PCSK5: variants seen among roughly 807,000 people sequenced by gnomAD.
The protein encoded by PCSK5 is prohormone convertase 5.
In PCSK5, 129 loss-of-function variants were observed where a neutral mutation model predicts 233.2. The observed-to-expected ratio is 0.55, with a 90% CI of 0.48 to 0.64. The LOEUF is 0.64. Among genes scored for constraint, PCSK5 ranks in the 30% least tolerant of loss-of-function variants. The pLI is 0.00. For missense variants in PCSK5, 2,076 were observed against 2,430.1 expected (o/e 0.85, Z 3.06); for synonymous variants, 825 against 879.2 (o/e 0.94, Z 1.09).
intron 20 of PCSK5, among the ~76,000 whole-genome samples, chr9:76,209,800 A>T (rs1181295628): frequency 6.6e-6 from 1 of 150,746 alleles, no homozygotes; most frequent in Admixed American, 6.6e-5. Context: ...ATAAATTATC[A>T]ATTTAAATAT....
At chr9:76,039,263 T>C (rs1828994739) in intron 5 of PCSK5, among the ~76,000 whole-genome samples, 1 of 152,216 alleles carries the variant, frequency 6.6e-6, no homozygotes, top group African/African-American at 2.4e-5. Flanking sequence ...ACAGGTTTAA[T>C]GCATCCCGGT....
At chr9:76,220,644 GAC>G (rs1825700347) in intron 20 of PCSK5, among the ~76,000 whole-genome samples, 1 of 140,840 alleles carries the variant, frequency 7.1e-6, no homozygotes, top group Admixed American at 7.0e-5. Flanking sequence ...AAAAAAAATT[GAC>G]ACATAAAAAT....
intron 1 of PCSK5, among the ~76,000 whole-genome samples, chr9:75,894,586 T>G (rs1825736039): frequency 6.6e-6 from 1 of 152,226 alleles, no homozygotes. Context: ...TTAACCATAA[T>G]CATTGTTAGT....
intron 30 of PCSK5, among the ~76,000 whole-genome samples, chr9:76,321,095 T>C (rs1208875680): frequency 1.4e-5 from 2 of 146,250 alleles, no homozygotes; most frequent in African/African-American, 5.2e-5. Context: ...ATTACAAGCG[T>C]GAGCCACCAC....
chr9:76,172,226 A>G (rs146249267), intron 13 of PCSK5, among the ~76,000 whole-genome samples: 2 of 152,268 alleles, frequency 1.3e-5, no homozygotes, highest in Admixed American at 6.5e-5. Flanking sequence ...GGCACATTGA[A>G]CCTATATACG....
intron 12 of PCSK5, among the ~76,000 whole-genome samples, chr9:76,166,167 C>T (rs1472129295): frequency 2.0e-5 from 3 of 152,074 alleles, no homozygotes; most frequent in Non-Finnish European, 4.4e-5. Flanking sequence ...TTTTCCCCAT[C>T]AACTCTTTCA....
chr9:76,138,588 G>A (rs945830265), intron 10 of PCSK5, among the ~76,000 whole-genome samples: 5 of 152,058 alleles, frequency 3.3e-5, no homozygotes, highest in African/African-American at 4.8e-5. Flanking sequence ...TGTGCAGGCT[G>A]ATTCTTGGCC....
In PCSK5 at chr9:76,169,777, G is replaced by C; in HGVS notation, c.1693G>C (p.Ala565Pro). Reference sequence around the variant, plus strand: ...CATTCATTGCTGGGGAGAAAGAGCTGCTGGTGACTGGGTCCTTGAAGTTTA... The same window carrying C: ...CATTCATTGCTGGGGAGAAAGAGCTCCTGGTGACTGGGTCCTTGAAGTTTA... The part of the protein sequence containing the change: ...MTIHCWGERA[A>P]GDWVLEVYDT... The change falls in exon 13 of 38, where the codon GCT becomes CCT. Residue 565 changes from alanine to proline, a missense_variant. Physicochemically the swap from Ala to Pro is conservative, Grantham distance 27. Coordinates refer to ENST00000674117, the MANE Select transcript of PCSK5 (RefSeq NM_001372043.1). 3.1e-6 allele frequency: 5 copies of C among 1,613,746 alleles called. No individual in the cohort carries two copies. Among genetic ancestry groups the C allele is most frequent in the Non-Finnish European group, 1.7e-6 (2 of 1,179,666 alleles).
At chr9:76,291,141 A>G (rs2842484) in intron 24 of PCSK5, among the ~76,000 whole-genome samples, 39,833 of 152,116 alleles carry the variant, frequency 0.26, 5,450 homozygotes, top group African/African-American at 0.33. Flanking sequence ...CTTAACATTT[A>G]GTGCAATGCA....
At position 76,308,669 on chromosome 9, in the gene PCSK5, G is replaced by C; in HGVS notation, c.3629G>C (p.Cys1210Ser). ...GATATTTTGAGAAAACTCCAGCCTTGTCATTCTTCTTGTAAAACCTGCAAT... is the reference window on the plus strand; with the variant it reads ...GATATTTTGAGAAAACTCCAGCCTTCTCATTCTTCTTGTAAAACCTGCAAT... ...KRDILRKLQPCHSSCKTCNGS... is the reference protein window; with the variant it reads ...KRDILRKLQPSHSSCKTCNGS... The change falls in exon 29 of 38, where the codon TGT (cysteine) becomes TCT (serine). Residue 1210 changes from cysteine to serine, a missense_variant. Physicochemically the swap from Cys to Ser is moderately radical, Grantham distance 112. Around this residue, in one of 6 missense-constraint regions of PCSK5, gnomAD observed 1,510 missense variants for 1,538.1 expected, o/e 0.98. Coordinates refer to ENST00000674117, the MANE Select transcript of PCSK5 (RefSeq NM_001372043.1). 1 of 1,608,380 alleles carries C rather than the reference G, an allele frequency of 6.2e-7. No individual in the cohort carries two copies. Among genetic ancestry groups the C allele is most frequent in the Non-Finnish European group, 8.5e-7 (1 of 1,175,912 alleles).
intron 28 of PCSK5, among the ~76,000 whole-genome samples, chr9:76,304,555 G>A (rs1206469853): frequency 6.6e-6 from 1 of 151,918 alleles, no homozygotes; most frequent in East Asian, 2.0e-4. Flanking sequence ...CACTTGACAC[G>A]TATTATCTCA....
intron 2 of PCSK5, among the ~76,000 whole-genome samples, chr9:75,979,026 G>C (rs576166771): frequency 6.6e-6 from 1 of 151,946 alleles, no homozygotes; most frequent in South Asian, 2.1e-4. Context: ...AGCTAATTTT[G>C]TATTTTTAGT....
intron 7 of PCSK5, among the ~76,000 whole-genome samples, chr9:76,079,385 C>T (rs1227512018): frequency 4.6e-5 from 7 of 152,052 alleles, no homozygotes; most frequent in East Asian, 1.9e-4. Context: ...GTGATCTGCC[C>T]GCCTTGGCCT....
chr9:76,228,093 C>T (rs987229773), intron 21 of PCSK5, among the ~76,000 whole-genome samples: 2 of 151,918 alleles, frequency 1.3e-5, no homozygotes, highest in Non-Finnish European at 2.9e-5. Context: ...CCTGAGCCTC[C>T]CTAGAAGCTG....
chr9:75,975,261 A>G (rs1825967927), intron 2 of PCSK5, among the ~76,000 whole-genome samples: 1 of 152,212 alleles, frequency 6.6e-6, no homozygotes, highest in Non-Finnish European at 1.5e-5. Context: ...ATTGCCATTT[A>G]TATTTAAATA....
Position 76,359,189 on chromosome 9 carries a change from C to A in PCSK5, c.*267C>A. The A allele has an allele frequency of 2.3e-6, 1 of 431,180 alleles. No homozygotes were observed. Among genetic ancestry groups the A allele is most frequent in the South Asian group, 3.9e-5 (1 of 25,850 alleles). 26.7% of individuals were successfully genotyped at this position (431,180 alleles called of 1,614,324 possible). A position where few individuals can be genotyped will look rare whatever the true frequency, so the allele number is the denominator to read the frequency against. The stretch of plus-strand genomic sequence containing the variant: ...TTTTCCTCAAAATAATGTGTTAAGA[C>A]ACAAAAATGAAGGAAGTGAAAACAA... On this transcript the variant is annotated 3_prime_UTR_variant, in exon 38 of 38. Coordinates refer to ENST00000674117, the MANE Select transcript of PCSK5 (RefSeq NM_001372043.1).
chr9:76,043,854 G>A (rs541043748), intron 5 of PCSK5, among the ~76,000 whole-genome samples: 3 of 152,214 alleles, frequency 2.0e-5, no homozygotes, highest in South Asian at 4.1e-4. Flanking sequence ...TTACAGGTGT[G>A]AGCCACTGTG....
chr9:76,136,636 A>G (rs1822993850), intron 10 of PCSK5, among the ~76,000 whole-genome samples: 1 of 152,044 alleles, frequency 6.6e-6, no homozygotes. Context: ...AAATATATGT[A>G]TGAAATGAAT....
At chr9:76,166,814 T>C (rs1373112223) in intron 12 of PCSK5, among the ~76,000 whole-genome samples, 1 of 152,248 alleles carries the variant, frequency 6.6e-6, no homozygotes, top group African/African-American at 2.4e-5. Flanking sequence ...TAGCCATTTC[T>C]ATATCAACAT....
Sources: allele counts gnomAD v4.1 joint callset (sites outside exome capture counted in the v4.1 genomes callset), GRCh38; gene constraint gnomAD v4.1.1; regional missense constraint gnomAD v4.1.1; transcripts MANE v1.5; gene names NCBI Gene and HGNC (gene_info 2026-07-23, HGNC 2026-07-21).